Variants in LIPC observed in about 807,000 individuals in gnomAD.
The protein encoded by LIPC is lipase C, hepatic type, also known as hepatic triacylglycerol lipase.
Under a neutral mutation model 50.7 loss-of-function variants are expected in LIPC, and 44 were observed. The ratio of observed to expected loss-of-function variants is 0.87; its 90% CI spans 0.68 to 1.11. LIPC has a LOEUF of 1.11. Among genes scored for constraint, LIPC ranks in the 50% most tolerant of loss-of-function variants. LIPC has a pLI of 0.00. For synonymous variants in LIPC, 271 were observed against 256.4 expected (o/e 1.06, Z -0.54); for missense variants, 697 against 648.2 (o/e 1.08, Z -0.82).
At chr15:58,542,028 G>A in intron 3 of LIPC, 61 bp downstream of exon 3, 2 of 1,533,510 alleles carry the variant, frequency 1.3e-6, no homozygotes, top group Non-Finnish European at 1.8e-6. Context: ...CTCTGAGAGT[G>A]AATGAATTAA....
intron 1 of LIPC, among the ~76,000 whole-genome samples, chr15:58,437,877 G>A (rs533406327): frequency 2.0e-5 from 3 of 152,268 alleles, no homozygotes; most frequent in East Asian, 3.9e-4. Context: ...TCCCATCCAT[G>A]GCCATCCTTC....
intron 1 of LIPC, among the ~76,000 whole-genome samples, chr15:58,502,822 G>A (rs1484422162): frequency 6.6e-6 from 1 of 152,072 alleles, no homozygotes; most frequent in East Asian, 1.9e-4. Flanking sequence ...GCACTCCCAT[G>A]TGCCAGACAG....
intron 1 of LIPC, among the ~76,000 whole-genome samples, chr15:58,445,324 C>T (rs1893655472): frequency 6.6e-6 from 1 of 152,218 alleles, no homozygotes; most frequent in Non-Finnish European, 1.5e-5. Flanking sequence ...AAACCTGCTC[C>T]CTCTGGCTTT....
intron 1 of LIPC, among the ~76,000 whole-genome samples, chr15:58,463,621 A>G (rs1264521462): frequency 6.6e-6 from 1 of 152,156 alleles, no homozygotes; most frequent in African/African-American, 2.4e-5. Flanking sequence ...AAAGGAAAGA[A>G]TCCATCAGGT....
chr15:58,490,409 G>T (rs1178721211), intron 1 of LIPC, among the ~76,000 whole-genome samples: 1 of 152,142 alleles, frequency 6.6e-6, no homozygotes, highest in Admixed American at 6.5e-5. Flanking sequence ...TTTCTTACAG[G>T]GCTCTTGAAT....
chr15:58,496,546 C>A (rs1161504444), intron 1 of LIPC, among the ~76,000 whole-genome samples: 1 of 151,962 alleles, frequency 6.6e-6, no homozygotes, highest in Admixed American at 6.6e-5. Context: ...TCCTGGCAGG[C>A]AAAGAAAGTC....
chr15:58,563,649 A>T lies in LIPC; in HGVS notation c.1314A>T (p.Pro438=), dbSNP rs75983069. 2 of 1,614,164 alleles carry T rather than the reference A, an allele frequency of 1.2e-6. No homozygotes were observed. The highest frequency in any genetic ancestry group is 1.1e-5 in the South Asian group (1 of 91,082). The change falls in exon 8 of 9, where the codon CCA becomes CCT. Residue 438 remains proline, a synonymous_variant. Transcript: ENST00000299022. ...GGGACACGGTCCAGACCATCATCCC[A>T]TGGAGCACAGGGCCGCGCCACTCAG... ...NVWDTVQTII[P]WSTGPRHSGL...
At chr15:58,483,845 G>C (rs946874355) in intron 1 of LIPC, among the ~76,000 whole-genome samples, 5 of 152,200 alleles carry the variant, frequency 3.3e-5, no homozygotes, top group East Asian at 1.9e-4. Context: ...TATTCTCTGG[G>C]AGATTTGACT....
At chr15:58,509,423 C>G (rs1892264397) in intron 1 of LIPC, among the ~76,000 whole-genome samples, 1 of 152,202 alleles carries the variant, frequency 6.6e-6, no homozygotes, top group Admixed American at 6.5e-5. Flanking sequence ...ACCTACTAGC[C>G]ACAGGCAGGT....
intron 1 of LIPC, among the ~76,000 whole-genome samples, chr15:58,488,331 G>A (rs868336601): frequency 2.0e-5 from 3 of 152,182 alleles, no homozygotes; most frequent in South Asian, 2.1e-4. Context: ...GCAATCTGAC[G>A]TCCACACTGG....
intron 6 of LIPC, among the ~76,000 whole-genome samples, chr15:58,560,204 A>G (rs1284021603): frequency 1.3e-5 from 2 of 152,206 alleles, no homozygotes; most frequent in African/African-American, 2.4e-5. Context: ...AAAATAAATT[A>G]TCCTCTTCCA....
chr15:58,566,238 TGGG>T, intron 8 of LIPC: 1 of 985,404 alleles, frequency 1.0e-6, no homozygotes, highest in Non-Finnish European at 1.2e-6. Flanking sequence ...CCCGTACACT[TGGG>T]GCTGTGCTGC....
intron 1 of LIPC, among the ~76,000 whole-genome samples, chr15:58,469,160 G>C (rs1182998336): frequency 7.4e-6 from 1 of 135,054 alleles, no homozygotes; most frequent in African/African-American, 2.7e-5. Context: ...TAAGAGACTG[G>C]ATCTCACTCT....
At chr15:58,508,013 A>C (rs1172610849) in intron 1 of LIPC, among the ~76,000 whole-genome samples, 1 of 152,200 alleles carries the variant, frequency 6.6e-6, no homozygotes, top group Admixed American at 6.5e-5. Flanking sequence ...ATGAGCACCA[A>C]AACAGAAGAC....
At chr15:58,481,969 T>C (rs1202934701) in intron 1 of LIPC, among the ~76,000 whole-genome samples, 3 of 152,140 alleles carry the variant, frequency 2.0e-5, no homozygotes, top group African/African-American at 7.2e-5. Flanking sequence ...TCCAGAACAA[T>C]AGCAACGGCT....
intron 1 of LIPC, among the ~76,000 whole-genome samples, chr15:58,438,196 G>A (rs1418464217): frequency 2.0e-5 from 3 of 152,186 alleles, no homozygotes; most frequent in East Asian, 1.9e-4. Context: ...ACAGTGCTGC[G>A]GGCATGCTGG....
At chr15:58,450,762 A>G (rs1443682574) in intron 1 of LIPC, among the ~76,000 whole-genome samples, 1 of 152,170 alleles carries the variant, frequency 6.6e-6, no homozygotes, top group African/African-American at 2.4e-5. Context: ...GAGTGAAAGT[A>G]GTAAGAAATG....
At position 58,524,884 on chromosome 15, in the gene LIPC, CT is replaced by C. The variant is rs1892756584; in HGVS notation, c.89-13442del. Among the ~76,000 whole-genome samples the C allele has an allele frequency of 3.3e-5, 5 of 152,012 alleles. No homozygotes were observed. The South Asian group carries it at 1.0e-3, about 32-fold the overall frequency. ...TTCATTTTTTGCCTCTGCTTATGGTCTTTTTTTAATTTAGTTGGTCATACAG... is the reference window on the plus strand; with the variant it reads ...TTCATTTTTTGCCTCTGCTTATGGTCTTTTTTAATTTAGTTGGTCATACAG... On this transcript the variant is annotated intron_variant, in intron 1 of 8. Coordinates refer to ENST00000299022, the MANE Select transcript of LIPC (RefSeq NM_000236.3).
At chr15:58,443,676 G>C (rs1893583977) in intron 1 of LIPC, among the ~76,000 whole-genome samples, 1 of 149,386 alleles carries the variant, frequency 6.7e-6, no homozygotes, top group Admixed American at 6.7e-5. Context: ...GCAAATCTCT[G>C]TCTCACGCAT....
Sources: gnomAD v4.1 joint callset for allele counts (sites outside exome capture counted in the v4.1 genomes callset) on GRCh38, gnomAD v4.1.1 for gene constraint, MANE v1.5 for transcripts, NCBI Gene and HGNC (gene_info 2026-07-23, HGNC 2026-07-21) for gene names.